The following DLGAP2 variants were observed in gnomAD, a reference collection of about 807,000 sequenced individuals.
The protein encoded by DLGAP2 is disks large-associated protein 2.
DLGAP2 carries 26 observed loss-of-function variants against 100.3 expected under a neutral mutation model. The observed-to-expected ratio is 0.26, with a 90% CI of 0.19 to 0.36. The LOEUF (loss-of-function observed/expected upper bound fraction) is 0.36. DLGAP2 is among the 10% of genes least tolerant of loss of function. The pLI is 1.00. For synonymous variants in DLGAP2, 886 were observed against 630.1 expected, an observed-to-expected ratio of 1.41 and a Z score of -6.08; for missense variants, 1,858 against 1,453.2, an observed-to-expected ratio of 1.28 and a Z score of -4.53.
chr8:1,275,123 A>T (rs1422100221), intron 3 of DLGAP2, among the ~76,000 whole-genome samples: 1 of 152,172 alleles, frequency 6.6e-6, no homozygotes, highest in Non-Finnish European at 1.5e-5. Flanking sequence ...GCACTGGCTC[A>T]ATGTCATGGT....
intron 1 of DLGAP2, among the ~76,000 whole-genome samples, chr8:782,353 A>G (rs1821715396): frequency 6.6e-6 from 1 of 152,262 alleles, no homozygotes; most frequent in East Asian, 1.9e-4. Context: ...AAAATCATGT[A>G]AAACTTAAGA....
At chr8:1,592,293 G>C (rs1401447310) in intron 6 of DLGAP2, among the ~76,000 whole-genome samples, 1 of 152,120 alleles carries the variant, frequency 6.6e-6, no homozygotes, top group Non-Finnish European at 1.5e-5. Context: ...GATTATGTTC[G>C]ATTATGTTCA....
At chr8:782,194 T>C (rs1212455724) in intron 1 of DLGAP2, among the ~76,000 whole-genome samples, 1 of 151,932 alleles carries the variant, frequency 6.6e-6, no homozygotes, top group African/African-American at 2.4e-5. Flanking sequence ...ACATTTATTA[T>C]GTTTCAATAA....
At chr8:1,619,928 G>A (rs1183393864) in intron 6 of DLGAP2, 2 of 152,184 alleles carry the variant, frequency 1.3e-5, no homozygotes, top group African/African-American at 4.8e-5. Flanking sequence ...GCACACTGTT[G>A]GCCTCAGCAT....
At chr8:1,127,435 C>T (rs930990524) in intron 2 of DLGAP2, among the ~76,000 whole-genome samples, 2 of 152,060 alleles carry the variant, frequency 1.3e-5, no homozygotes, top group African/African-American at 2.4e-5. Context: ...GAGGCCCCTT[C>T]GTGTGTGGAG....
At position 951,548 on chromosome 8, in the gene DLGAP2, G is replaced by T. The variant is rs569532140; in HGVS notation, c.73+43582G>T. ...TTACAGGCGTGAGCCACTGCACCTG[G>T]CTGATAAATGTATTTTAAAAGGGAA... is the stretch of plus-strand genomic sequence containing the variant. On this transcript the variant is annotated intron_variant, in intron 2 of 14. Transcript: ENST00000637795. Among the ~76,000 whole-genome samples the T allele has an allele frequency of 2.0e-5, 3 of 152,346 alleles. No individual in the cohort carries two copies. The East Asian group carries it at 5.8e-4, about 29-fold the overall frequency.
intron 2 of DLGAP2, among the ~76,000 whole-genome samples, chr8:1,062,755 C>A (rs1563171357): frequency 6.6e-6 from 1 of 152,126 alleles, no homozygotes; most frequent in Non-Finnish European, 1.5e-5. Flanking sequence ...ACTAGTATGA[C>A]TGTAATCCAG....
chr8:945,482 C>A (rs549770449), intron 2 of DLGAP2, among the ~76,000 whole-genome samples: 1 of 152,320 alleles, frequency 6.6e-6, no homozygotes, highest in African/African-American at 2.4e-5. Context: ...GCTAGAAATA[C>A]TAAACTCACG....
intron 3 of DLGAP2, among the ~76,000 whole-genome samples, chr8:1,458,152 C>G (rs899295127): frequency 6.6e-6 from 1 of 151,378 alleles, no homozygotes; most frequent in Non-Finnish European, 1.5e-5. Flanking sequence ...GTGATCCACC[C>G]GCCTCGGCCT....
At chr8:1,300,662 T>G (rs937727471) in intron 3 of DLGAP2, 1 of 152,198 alleles carries the variant, frequency 6.6e-6, no homozygotes, top group Non-Finnish European at 1.5e-5. Context: ...CCTTGACATC[T>G]AAGCTGCAGC....
intron 4 of DLGAP2, among the ~76,000 whole-genome samples, chr8:1,548,020 C>G (rs1484924014): frequency 6.6e-6 from 1 of 152,164 alleles, no homozygotes; most frequent in Non-Finnish European, 1.5e-5. Flanking sequence ...TACAACTATG[C>G]TTTTCCCCCA....
At chr8:914,776 T>C (rs1032376139) in intron 2 of DLGAP2, among the ~76,000 whole-genome samples, 5 of 152,252 alleles carry the variant, frequency 3.3e-5, no homozygotes, top group African/African-American at 1.2e-4. Flanking sequence ...TGGATGCTTC[T>C]GTGCTGAGAG....
At chr8:1,089,843 G>T (rs1347273434) in intron 2 of DLGAP2, among the ~76,000 whole-genome samples, 1 of 152,200 alleles carries the variant, frequency 6.6e-6, no homozygotes. Context: ...CTGATTGTTT[G>T]GGAGACACTC....
chr8:1,278,564 A>G (rs985445344), intron 3 of DLGAP2, among the ~76,000 whole-genome samples: 93 of 152,244 alleles, frequency 6.1e-4, no homozygotes, highest in African/African-American at 2.2e-3. Context: ...CAGGTTTAGT[A>G]AAATTCAGAT....
chr8:779,729 C>G (rs1235402991), intron 1 of DLGAP2, among the ~76,000 whole-genome samples: 1 of 152,144 alleles, frequency 6.6e-6, no homozygotes, highest in Non-Finnish European at 1.5e-5. Flanking sequence ...TGCCTTCTCT[C>G]AAGCAGACAC....
At chr8:1,346,371 T>G (rs924819469) in intron 3 of DLGAP2, among the ~76,000 whole-genome samples, 8 of 151,532 alleles carry the variant, frequency 5.3e-5, no homozygotes. Context: ...TGTGTGGAGT[T>G]TGAGTTCCCA....
intron 2 of DLGAP2, among the ~76,000 whole-genome samples, chr8:1,041,417 G>A (rs1802343522): frequency 6.6e-6 from 1 of 152,212 alleles, no homozygotes; most frequent in African/African-American, 2.4e-5. Flanking sequence ...GGAGGAGACA[G>A]AGCCTGTTTC....
chr8:938,668 G>T (rs1172089607), intron 2 of DLGAP2, among the ~76,000 whole-genome samples: 2 of 152,350 alleles, frequency 1.3e-5, no homozygotes, highest in South Asian at 4.1e-4. Flanking sequence ...TGACCTGGGG[G>T]TGACCAGCCG....
intron 2 of DLGAP2, among the ~76,000 whole-genome samples, chr8:987,278 T>C (rs911550260): frequency 6.6e-6 from 1 of 152,048 alleles, no homozygotes; most frequent in Non-Finnish European, 1.5e-5. Context: ...TCTGAGATGG[T>C]GAGCTCAGCT....
Sources: allele counts gnomAD v4.1 joint callset (sites outside exome capture counted in the v4.1 genomes callset), GRCh38; gene constraint gnomAD v4.1.1; transcripts MANE v1.5; gene names NCBI Gene and HGNC (gene_info 2026-07-23, HGNC 2026-07-21).